Variants in MEF2A observed in about 807,000 individuals in gnomAD.
MEF2A encodes the protein myocyte enhancer factor 2A, also known as myocyte-specific enhancer factor 2A.
MEF2A carries 28 observed loss-of-function variants against 55.8 expected under a neutral mutation model. The observed-to-expected ratio is 0.50, with a 90% CI of 0.37 to 0.69. MEF2A has a LOEUF of 0.69. Among genes scored for constraint, MEF2A ranks in the 30% least tolerant of loss-of-function variants. MEF2A has a pLI of 0.00. For synonymous variants in MEF2A, 239 were observed against 227.1 expected (o/e 1.05, Z -0.47); for missense variants, 528 against 626.2 (o/e 0.84, Z 1.67).
intron 7 of MEF2A, among the ~76,000 whole-genome samples, chr15:99,680,215 T>C (rs75740448): frequency 6.6e-6 from 1 of 152,132 alleles, no homozygotes; most frequent in Non-Finnish European, 1.5e-5. Context: ...AAGCAACAGA[T>C]AGGGGAATGT....
At position 99,653,007 on chromosome 15, in the gene MEF2A, G is replaced by A. The variant is rs140733761; in HGVS notation, c.258+7243G>A. 2.1e-3 allele frequency among the ~76,000 whole-genome samples: 314 copies of A among 152,094 alleles called. 3 individuals carry two copies. The East Asian group carries it at 0.026, about 12-fold the overall frequency. On this transcript the variant is annotated intron_variant, in intron 4 of 11. Transcript: ENST00000557942. ...CTTTTGTTAGATACACTTCAATATC[G>A]ACTTAAGACCCTTAGAATGCCAAGA...
At chr15:99,711,954 T>C (rs1788375618) in intron 11 of MEF2A, among the ~76,000 whole-genome samples, 1 of 152,178 alleles carries the variant, frequency 6.6e-6, no homozygotes. Flanking sequence ...ATGGGGATGG[T>C]GCGACTTGCA....
At chr15:99,676,225 A>G (rs183962148) in intron 7 of MEF2A, among the ~76,000 whole-genome samples, 51 of 152,320 alleles carry the variant, frequency 3.3e-4, no homozygotes, top group Admixed American at 1.2e-3. Context: ...GATAAGACCT[A>G]TTGTGGAGTC....
chr15:99,657,144 C>G (rs72760533), intron 4 of MEF2A, among the ~76,000 whole-genome samples: 33,306 of 151,842 alleles, frequency 0.22, 4,312 homozygotes, highest in South Asian at 0.31. Flanking sequence ...CATTCTGTGA[C>G]CAAATAGTAT....
At chr15:99,664,811 A>G (rs1019195840) in intron 4 of MEF2A, among the ~76,000 whole-genome samples, 2 of 152,236 alleles carry the variant, frequency 1.3e-5, no homozygotes, top group African/African-American at 4.8e-5. Flanking sequence ...TGCAGCAGGC[A>G]GTTGGGATTA....
chr15:99,683,394 A>T (rs988136696), intron 7 of MEF2A, among the ~76,000 whole-genome samples: 2 of 152,142 alleles, frequency 1.3e-5, no homozygotes, highest in Non-Finnish European at 2.9e-5. Flanking sequence ...CACACTAATC[A>T]TCTGGAACTC....
At chr15:99,697,769 T>A (rs904473716) in intron 8 of MEF2A, among the ~76,000 whole-genome samples, 7 of 152,180 alleles carry the variant, frequency 4.6e-5, no homozygotes, top group African/African-American at 1.7e-4. Context: ...ATAGCTAGAA[T>A]GATTTTAAGA....
In MEF2A at chr15:99,716,413, A is replaced by C. The variant is rs325380; in HGVS notation, c.*3642A>C. The C allele has an allele frequency of 0.5, 211,990 of 426,464 alleles. 57,026 individuals are homozygous for C. The highest frequency in any genetic ancestry group is 0.56 in the Non-Finnish European group (116,285 of 205,986). The allele number at this position is 426,464 out of a possible 1,614,324, so 26.4% of individuals were successfully genotyped here. On this transcript the variant is annotated 3_prime_UTR_variant, in exon 12 of 12. Transcript: ENST00000557942. ...TAGTGAACTTTTTATCAAATGGTGA[A>C]GACAATGCTAAAGGTTGTTGTAAAC...
chr15:99,588,352 A>G (rs1217367255), intron 1 of MEF2A, among the ~76,000 whole-genome samples: 1 of 149,470 alleles, frequency 6.7e-6, no homozygotes, highest in Non-Finnish European at 1.5e-5. Flanking sequence ...CCCAGGCTGG[A>G]GTGCAGTGGC....
At chr15:99,615,761 C>T (rs575596414) in intron 2 of MEF2A, among the ~76,000 whole-genome samples, 6 of 152,222 alleles carry the variant, frequency 3.9e-5, no homozygotes, top group African/African-American at 1.4e-4. Flanking sequence ...ACTGAGGGAC[C>T]ATTTATTAGT....
At chr15:99,579,770 A>G (rs576969509) in intron 1 of MEF2A, among the ~76,000 whole-genome samples, 11 of 152,324 alleles carry the variant, frequency 7.2e-5, no homozygotes, top group Admixed American at 2.0e-4. Context: ...AGTATAGAGT[A>G]GTCCTGTTAC....
chr15:99,605,428 C>T (rs1273004089), intron 2 of MEF2A, among the ~76,000 whole-genome samples: 1 of 152,172 alleles, frequency 6.6e-6, no homozygotes, highest in African/African-American at 2.4e-5. Flanking sequence ...TTCTTTCCTG[C>T]ATAATTATTC....
Position 99,661,492 on chromosome 15 carries a change from A to G in MEF2A, c.259-9831A>G, listed in dbSNP as rs149121704. ...AATTAGCCAAGGGCTTACATTGACT[A>G]CTTATAAAATAATTACTATAAAAAT... On this transcript the variant is annotated intron_variant, in intron 4 of 11. Transcript: ENST00000557942. Among the ~76,000 whole-genome samples, 456 of 151,584 alleles carry G rather than the reference A, an allele frequency of 3.0e-3. 4 individuals are homozygous for G. Among genetic ancestry groups the G allele is most frequent in the African/African-American group, 0.01 (428 of 41,400 alleles).
chr15:99,667,283 A>G (rs1429998179), intron 4 of MEF2A, among the ~76,000 whole-genome samples: 1 of 152,070 alleles, frequency 6.6e-6, no homozygotes, highest in African/African-American at 2.4e-5. Flanking sequence ...GTGCAGTGGC[A>G]CGATCTCGCT....
chr15:99,674,486 G>T lies in MEF2A; in HGVS notation c.484G>T (p.Val162Leu), dbSNP rs554077925. The T allele has an allele frequency of 1.9e-6, 3 of 1,613,920 alleles. No homozygotes were observed. The East Asian group carries it at 6.7e-5, about 36-fold the overall frequency. The change falls in exon 6 of 12, where the codon GTG becomes TTG. Residue 162 changes from valine to leucine, a missense_variant. By Grantham distance (32) the Val-to-Leu change is conservative. Coordinates refer to ENST00000557942, the MANE Select transcript of MEF2A (RefSeq NM_001319206.4). ...LSYTNPGSSL[V>L]SPSLAASSTL... ...CTACACTAACCCAGGGAGTTCACTGGTGTCCCCATCTTTGGCAGCCAGCTC... is the reference window on the plus strand; with the variant it reads ...CTACACTAACCCAGGGAGTTCACTGTTGTCCCCATCTTTGGCAGCCAGCTC...
At chr15:99,708,186 T>G (rs752626579) in intron 10 of MEF2A, among the ~76,000 whole-genome samples, 10 of 152,206 alleles carry the variant, frequency 6.6e-5, no homozygotes, top group Admixed American at 3.9e-4. Context: ...CCAAGTTTAT[T>G]CCAAGTGAGG....
chr15:99,621,413 T>C (rs1406800105), intron 2 of MEF2A, among the ~76,000 whole-genome samples: 1 of 152,196 alleles, frequency 6.6e-6, no homozygotes, highest in East Asian at 1.9e-4. Flanking sequence ...GTAGAATGGA[T>C]TTTTCAGGGG....
intron 8 of MEF2A, among the ~76,000 whole-genome samples, chr15:99,699,606 CT>C (rs1370889156): frequency 6.6e-6 from 1 of 152,116 alleles, no homozygotes; most frequent in Non-Finnish European, 1.5e-5. Context: ...ATGAATATAA[CT>C]TTATTACAGA....
chr15:99,643,553 G>T (rs1251859901), intron 3 of MEF2A, among the ~76,000 whole-genome samples: 1 of 151,658 alleles, frequency 6.6e-6, no homozygotes, highest in Non-Finnish European at 1.5e-5. Flanking sequence ...CAACAGATGC[G>T]GAGGTTTTTC....
Sources: gnomAD v4.1 joint callset for allele counts (sites outside exome capture counted in the v4.1 genomes callset) on GRCh38, gnomAD v4.1.1 for gene constraint, MANE v1.5 for transcripts, NCBI Gene and HGNC (gene_info 2026-07-23, HGNC 2026-07-21) for gene names.